NRXN3: variants seen among roughly 807,000 people sequenced by gnomAD.
NRXN3 encodes neurexin III.
Under a neutral mutation model 137.6 loss-of-function variants are expected in NRXN3, and 32 were observed. The ratio of observed to expected loss-of-function variants is 0.23; its 90% CI spans 0.18 to 0.31. The LOEUF (loss-of-function observed/expected upper bound fraction) is 0.31. NRXN3 is among the 10% of genes least tolerant of loss of function. NRXN3 has a pLI of 1.00. For missense variants in NRXN3, 1,574 were observed against 2,062.5 expected, an observed-to-expected ratio of 0.76 and a Z score of 4.59; for synonymous variants, 798 against 784.5, an observed-to-expected ratio of 1.02 and a Z score of -0.29.
At chr14:79,493,935 A>C (rs534527757) in intron 16 of NRXN3, among the ~76,000 whole-genome samples, 18 of 152,310 alleles carry the variant, frequency 1.2e-4, no homozygotes, top group Middle Eastern at 6.8e-3. Flanking sequence ...CAATTTGCTT[A>C]CTTCTCCAGA....
intron 16 of NRXN3, among the ~76,000 whole-genome samples, chr14:79,470,873 TGAGA>T (rs1195553036): frequency 2.0e-5 from 3 of 148,940 alleles, no homozygotes; most frequent in African/African-American, 5.0e-5. Context: ...TGTGTGTGTG[TGAGA>T]GAGAGAGAGA....
At chr14:78,192,693 C>G (rs1263478837) in intron 1 of NRXN3, among the ~76,000 whole-genome samples, 1 of 152,108 alleles carries the variant, frequency 6.6e-6, no homozygotes, top group Non-Finnish European at 1.5e-5. Context: ...GAGGAGCCAT[C>G]AGACGCTTGG....
chr14:78,289,498 C>T (rs2075561713), intron 3 of NRXN3, among the ~76,000 whole-genome samples: 1 of 152,160 alleles, frequency 6.6e-6, no homozygotes, highest in East Asian at 1.9e-4. Flanking sequence ...TTATCTCCTA[C>T]AACCTCATTC....
chr14:79,341,360 G>A (rs1351720407), intron 15 of NRXN3, among the ~76,000 whole-genome samples: 2 of 152,158 alleles, frequency 1.3e-5, no homozygotes, highest in East Asian at 3.9e-4. Flanking sequence ...GAGGCAAACT[G>A]TAAGACCTTT....
In NRXN3 at chr14:78,968,292, G is replaced by C; in HGVS notation, c.3088G>C (p.Asp1030His). Residue 1030 changes from aspartate to histidine, a missense_variant, in exon 14 of 21, where the codon GAC (aspartate) becomes CAC (histidine). Physicochemically the swap from Asp to His is moderately conservative, Grantham distance 81. Coordinates refer to ENST00000335750, the MANE Select transcript of NRXN3 (RefSeq NM_001330195.2). ...ASVDLNGRLP[D>H]LINDALHRSG... Reference sequence around the variant, plus strand: ...AGTGGACTTGAATGGACGCCTGCCAGACCTCATCAATGATGCTCTTCATCG... The same window carrying C: ...AGTGGACTTGAATGGACGCCTGCCACACCTCATCAATGATGCTCTTCATCG... The C allele has an allele frequency of 6.2e-7, 1 of 1,614,110 alleles. No homozygotes were observed. Among genetic ancestry groups the C allele is most frequent in the Non-Finnish European group, 8.5e-7 (1 of 1,179,986 alleles).
At chr14:78,541,208 T>G (rs184988306) in intron 4 of NRXN3, among the ~76,000 whole-genome samples, 261 of 152,314 alleles carry the variant, frequency 1.7e-3, no homozygotes, top group African/African-American at 6.0e-3. Context: ...CTGAAGAGTG[T>G]TTTCCAACAT....
chr14:78,270,544 G>C (rs1567132581), intron 2 of NRXN3, among the ~76,000 whole-genome samples: 1 of 152,208 alleles, frequency 6.6e-6, no homozygotes, highest in African/African-American at 2.4e-5. Flanking sequence ...ATGGCCTAAA[G>C]CTGGGAAATA....
At chr14:78,936,150 C>T (rs1054338363) in intron 10 of NRXN3, among the ~76,000 whole-genome samples, 2 of 152,200 alleles carry the variant, frequency 1.3e-5, no homozygotes, top group East Asian at 1.9e-4. Flanking sequence ...CTTCACAGCT[C>T]ATAATCCCTC....
chr14:78,489,415 A>G (rs533956170), intron 4 of NRXN3, among the ~76,000 whole-genome samples: 13 of 152,208 alleles, frequency 8.5e-5, no homozygotes, highest in African/African-American at 3.1e-4. Flanking sequence ...TGGCTAATGT[A>G]AGTGTGCCCT....
chr14:78,550,764 T>C (rs1420267515), intron 4 of NRXN3, among the ~76,000 whole-genome samples: 2 of 152,148 alleles, frequency 1.3e-5, no homozygotes, highest in African/African-American at 4.8e-5. Context: ...TTCACCCAAA[T>C]ACCAACAATA....
intron 19 of NRXN3, among the ~76,000 whole-genome samples, chr14:79,708,746 T>TTGTC (rs953590308): frequency 2.0e-4 from 31 of 152,244 alleles, no homozygotes; most frequent in Non-Finnish European, 3.8e-4. Flanking sequence ...ATGCCTTGGG[T>TTGTC]TGTCTAGAGA....
At chr14:79,084,357 T>C (rs1176421052) in intron 15 of NRXN3, among the ~76,000 whole-genome samples, 1 of 152,156 alleles carries the variant, frequency 6.6e-6, no homozygotes, top group Non-Finnish European at 1.5e-5. Context: ...CATGATAATT[T>C]ACAAAAATAA....
chr14:78,345,170 G>A (rs2082578083), intron 4 of NRXN3, among the ~76,000 whole-genome samples: 1 of 151,994 alleles, frequency 6.6e-6, no homozygotes, highest in African/African-American at 2.4e-5. Flanking sequence ...TTGGGGGGCA[G>A]CTGTTATATT....
chr14:79,124,159 C>G (rs2055992917), intron 15 of NRXN3, among the ~76,000 whole-genome samples: 1 of 152,056 alleles, frequency 6.6e-6, no homozygotes, highest in Non-Finnish European at 1.5e-5. Flanking sequence ...ATATAATGCC[C>G]CAGTAGTCAT....
chr14:79,653,357 T>TAACA (rs1272175471), intron 16 of NRXN3, among the ~76,000 whole-genome samples: 1 of 152,204 alleles, frequency 6.6e-6, no homozygotes, highest in African/African-American at 2.4e-5. Flanking sequence ...ACTCAAATCC[T>TAACA]AACATCAGAG....
At chr14:78,751,928 A>G (rs1252435773) in intron 8 of NRXN3, among the ~76,000 whole-genome samples, 8 of 152,206 alleles carry the variant, frequency 5.3e-5, no homozygotes. Flanking sequence ...GCACTGAACC[A>G]GGAAATGGAT....
intron 15 of NRXN3, among the ~76,000 whole-genome samples, chr14:79,282,601 A>ATT (rs1223381177): frequency 6.6e-6 from 1 of 152,076 alleles, no homozygotes; most frequent in African/African-American, 2.4e-5. Context: ...TCTCCTTTAA[A>ATT]TCTTTTTGAC....
At position 78,404,244 on chromosome 14, in the gene NRXN3, A is replaced by C. The variant is rs185186329; in HGVS notation, c.757+106384A>C. On this transcript the variant is annotated intron_variant, in intron 4 of 20. Coordinates refer to ENST00000335750, the MANE Select transcript of NRXN3 (RefSeq NM_001330195.2). ...TTTTAAGTTGTCGCTGCATGGGAGC[A>C]GGCAGACAGAAACAGGGTTGCATGT... 9.4e-5 allele frequency among the ~76,000 whole-genome samples: 14 copies of C among 149,218 alleles called. No homozygotes were observed. In the East Asian group the frequency reaches 2.8e-3, roughly 29 times the overall value.
chr14:78,691,472 C>T (rs536987551), intron 6 of NRXN3, among the ~76,000 whole-genome samples: 30 of 152,300 alleles, frequency 2.0e-4, no homozygotes, highest in Admixed American at 1.5e-3. Context: ...TCAGCTTTCT[C>T]TGCTCATTAT....
Sources: gnomAD v4.1 joint callset for allele counts (sites outside exome capture counted in the v4.1 genomes callset) on GRCh38, gnomAD v4.1.1 for gene constraint, MANE v1.5 for transcripts, NCBI Gene and HGNC (gene_info 2026-07-23, HGNC 2026-07-21) for gene names.